LOC122539214: variants seen among roughly 807,000 people sequenced by gnomAD.
the LOC122539214 span, chr19:52,650,691 A>G: frequency 2.6e-5 from 4 of 152,238 alleles, no homozygotes; most frequent in East Asian, 1.9e-4. Context: ...CCAAAGTCTC[A>G]GAAAAAACAG....
chr19:52,665,937 A>G, the LOC122539214 span, among the ~76,000 whole-genome samples: 1 of 151,950 alleles, frequency 6.6e-6, no homozygotes, highest in Non-Finnish European at 1.5e-5. Flanking sequence ...GAGGTGGGCA[A>G]ATCACGAGGT....
At chr19:52,689,239 G>A in the LOC122539214 span, among the ~76,000 whole-genome samples, 1 of 152,118 alleles carries the variant, frequency 6.6e-6, no homozygotes. Context: ...TGAATCCACT[G>A]AGCCAGTGCG....
the LOC122539214 span, among the ~76,000 whole-genome samples, chr19:52,687,926 G>A: frequency 1.3e-5 from 2 of 151,980 alleles, no homozygotes; most frequent in East Asian, 1.9e-4. Flanking sequence ...GAAAAGGGAA[G>A]AGAGTAACTT....
chr19:52,677,491 GA>G, the LOC122539214 span, among the ~76,000 whole-genome samples: 2 of 150,376 alleles, frequency 1.3e-5, no homozygotes, highest in African/African-American at 2.5e-5. Flanking sequence ...GTCTCAAAAA[GA>G]AAAAAAGAAA....
the LOC122539214 span, among the ~76,000 whole-genome samples, chr19:52,683,576 G>A: frequency 1.3e-4 from 19 of 150,824 alleles, no homozygotes; most frequent in African/African-American, 4.7e-4. Context: ...CTGGTGATGT[G>A]CAGAGCATGG....
the LOC122539214 span, among the ~76,000 whole-genome samples, chr19:52,689,899 C>T: frequency 6.6e-6 from 1 of 152,358 alleles, no homozygotes; most frequent in South Asian, 2.1e-4. Flanking sequence ...GGCACCTCCC[C>T]AACGCGGGCT....
chr19:52,686,667 A>G, the LOC122539214 span, among the ~76,000 whole-genome samples: 20 of 152,144 alleles, frequency 1.3e-4, no homozygotes, highest in East Asian at 2.9e-3. Context: ...TCTACCTCCC[A>G]GGTTCAAGTG....
the LOC122539214 span, among the ~76,000 whole-genome samples, chr19:52,681,280 C>CCAAAAA: frequency 1.3e-5 from 1 of 75,440 alleles, no homozygotes; most frequent in African/African-American, 4.7e-5. Flanking sequence ...GAGACTTTCT[C>CCAAAAA]AAAAAAAAAA....
chr19:52,670,255 C>A, the LOC122539214 span, among the ~76,000 whole-genome samples: 2 of 152,162 alleles, frequency 1.3e-5, no homozygotes, highest in Admixed American at 1.3e-4. Flanking sequence ...ATTCTCCACC[C>A]TCATTCCATA....
the LOC122539214 span, among the ~76,000 whole-genome samples, chr19:52,662,380 G>C: frequency 3.9e-5 from 6 of 152,112 alleles, no homozygotes; most frequent in Non-Finnish European, 8.8e-5. Flanking sequence ...GAGAGCTGAG[G>C]AGCCAACTGA....
At chr19:52,671,493 G>A in the LOC122539214 span, among the ~76,000 whole-genome samples, 2 of 151,828 alleles carry the variant, frequency 1.3e-5, no homozygotes, top group African/African-American at 2.4e-5. Context: ...ACCCCGGCTG[G>A]AATGCAGTGG....
chr19:52,680,973 A>G, the LOC122539214 span, among the ~76,000 whole-genome samples: 1 of 151,942 alleles, frequency 6.6e-6, no homozygotes, highest in Admixed American at 6.6e-5. Context: ...TGGACAATGT[A>G]AAAAATATAC....
the LOC122539214 span, among the ~76,000 whole-genome samples, chr19:52,689,585 C>T: frequency 6.6e-6 from 1 of 152,208 alleles, no homozygotes; most frequent in African/African-American, 2.4e-5. Context: ...CTCTGTACAT[C>T]CAGCTTTTCT....
At chr19:52,670,764 C>A in the LOC122539214 span, among the ~76,000 whole-genome samples, 1 of 152,138 alleles carries the variant, frequency 6.6e-6, no homozygotes, top group Non-Finnish European at 1.5e-5. Context: ...TTAAAAGATG[C>A]ATTAATTTTG....
At chr19:52,654,506 A>C in the LOC122539214 span, 1 of 488,076 alleles carries the variant, frequency 2.0e-6, no homozygotes, top group African/African-American at 2.0e-5. Context: ...TACTTATTTT[A>C]AAATTCCCAA....
chr19:52,678,477 A>G, the LOC122539214 span, among the ~76,000 whole-genome samples: 1 of 151,668 alleles, frequency 6.6e-6, no homozygotes, highest in Non-Finnish European at 1.5e-5. Context: ...AAAAAGAAAA[A>G]AAAACTGGAG....
chr19:52,664,907 T>G, the LOC122539214 span, among the ~76,000 whole-genome samples: 100 of 151,732 alleles, frequency 6.6e-4, 1 homozygote, highest in Non-Finnish European at 7.1e-4. Context: ...AGCTCAGGAG[T>G]CAGGGAAATA....
chr19:52,667,705 T>G, the LOC122539214 span, among the ~76,000 whole-genome samples: 1 of 152,172 alleles, frequency 6.6e-6, no homozygotes, highest in Non-Finnish European at 1.5e-5. Flanking sequence ...GATATTAAAA[T>G]AAAAGCACAA....
the LOC122539214 span, among the ~76,000 whole-genome samples, chr19:52,671,611 T>C: frequency 6.6e-6 from 1 of 152,022 alleles, no homozygotes; most frequent in South Asian, 2.1e-4. Flanking sequence ...CCTGGCTAAT[T>C]TGTTAGTACT....
Sources: gnomAD v4.1 joint callset for allele counts (sites outside exome capture counted in the v4.1 genomes callset) on GRCh38, gnomAD v4.1.1 for gene constraint, MANE v1.5 for transcripts.